The following CACNA2D1 variants were observed in gnomAD, a reference collection of about 807,000 sequenced individuals.
CACNA2D1 encodes calcium voltage-gated channel auxiliary subunit alpha2delta 1.
A neutral mutation model predicts 171.5 loss-of-function variants in CACNA2D1; 53 were observed. The observed-to-expected ratio is 0.31, with a 90% confidence interval of 0.25 to 0.39. The LOEUF is 0.39. Ranked by LOEUF, CACNA2D1 falls within the 10% of genes least tolerant of loss-of-function variation. The pLI, the probability that CACNA2D1 is intolerant of heterozygous loss-of-function variation, is 1.00. For missense variants in CACNA2D1, 903 were observed against 1,299.8 expected (o/e 0.69, Z 4.69); for synonymous variants, 442 against 443.1 (o/e 1.00, Z 0.03).
At chr7:82,158,917 G>C (rs913936083) in intron 4 of CACNA2D1, among the ~76,000 whole-genome samples, 2 of 151,824 alleles carry the variant, frequency 1.3e-5, no homozygotes, top group Admixed American at 1.3e-4. Context: ...TAAATTCTAT[G>C]TTGTATAATC....
chr7:82,145,378 T>C (rs1263124510), intron 4 of CACNA2D1, among the ~76,000 whole-genome samples: 1 of 144,922 alleles, frequency 6.9e-6, no homozygotes, highest in Non-Finnish European at 1.5e-5. Context: ...TTATATATTA[T>C]ATATTATATA....
chr7:82,120,049 G>A lies in CACNA2D1; in HGVS notation c.397-2876C>T, dbSNP rs1020956180. On this transcript the variant is annotated intron_variant, in intron 5 of 38. Transcript: ENST00000356860. ...AATTTAAAAATGAGCCTGGCATCGT[G>A]GTATGTTCCTATTATTTCCAGCTAT... Among the ~76,000 whole-genome samples the A allele has an allele frequency of 5.9e-5, 9 of 152,068 alleles. No homozygotes were observed. In the East Asian group the frequency reaches 1.7e-3, roughly 29 times the overall value.
At chr7:81,995,775 G>T (rs930658216) in intron 19 of CACNA2D1, among the ~76,000 whole-genome samples, 5 of 144,534 alleles carry the variant, frequency 3.5e-5, no homozygotes, top group African/African-American at 1.3e-4. Flanking sequence ...CTCCAGCCTG[G>T]GCGACAGAGC....
At chr7:81,973,928 T>G (rs1207534290) in intron 25 of CACNA2D1, among the ~76,000 whole-genome samples, 3 of 151,982 alleles carry the variant, frequency 2.0e-5, no homozygotes, top group African/African-American at 4.8e-5. Flanking sequence ...TTGATTTACC[T>G]CATAAATGAA....
chr7:82,326,981 T>C (rs1446534622), intron 3 of CACNA2D1, among the ~76,000 whole-genome samples: 1 of 152,246 alleles, frequency 6.6e-6, no homozygotes, highest in Non-Finnish European at 1.5e-5. Context: ...AGTTTTCTAC[T>C]CTTCGTATTG....
At chr7:82,343,987 GA>G (rs1274304058) in intron 2 of CACNA2D1, among the ~76,000 whole-genome samples, 1 of 152,132 alleles carries the variant, frequency 6.6e-6, no homozygotes, top group Non-Finnish European at 1.5e-5. Flanking sequence ...TACCAATGCT[GA>G]TACACAATTT....
At chr7:82,123,102 A>T (rs530819126) in intron 5 of CACNA2D1, among the ~76,000 whole-genome samples, 1 of 152,336 alleles carries the variant, frequency 6.6e-6, no homozygotes, top group Non-Finnish European at 1.5e-5. Flanking sequence ...GCATGTGCCC[A>T]AGTGTGTAAA....
intron 3 of CACNA2D1, among the ~76,000 whole-genome samples, chr7:82,310,755 G>A (rs982595748): frequency 2.6e-5 from 4 of 151,948 alleles, no homozygotes; most frequent in Admixed American, 6.6e-5. Context: ...AAACAGTAAA[G>A]GTTTTTGTTT....
chr7:81,951,098 AT>A (rs538976928), intron 38 of CACNA2D1, among the ~76,000 whole-genome samples: 1 of 152,056 alleles, frequency 6.6e-6, no homozygotes, highest in Admixed American at 6.6e-5. Flanking sequence ...CACATATAGG[AT>A]TTTGCTTTGC....
chr7:82,362,476 A>G (rs2129447355), intron 1 of CACNA2D1, among the ~76,000 whole-genome samples: 1 of 152,272 alleles, frequency 6.6e-6, no homozygotes, highest in South Asian at 2.1e-4. Flanking sequence ...CTCCTTTATC[A>G]CCATTCAGGA....
At chr7:82,349,909 A>G (rs1353015249) in intron 1 of CACNA2D1, among the ~76,000 whole-genome samples, 4 of 152,236 alleles carry the variant, frequency 2.6e-5, no homozygotes, top group Non-Finnish European at 4.4e-5. Flanking sequence ...GTCCAAGGAG[A>G]GTAAACAATT....
intron 1 of CACNA2D1, among the ~76,000 whole-genome samples, chr7:82,361,486 C>T (rs1000583900): frequency 7.9e-5 from 12 of 152,126 alleles, no homozygotes; most frequent in Non-Finnish European, 2.9e-5. Flanking sequence ...GTCATGTTTT[C>T]AACTATTTTT....
intron 3 of CACNA2D1, among the ~76,000 whole-genome samples, chr7:82,240,173 T>C (rs1374290084): frequency 6.6e-6 from 1 of 152,142 alleles, no homozygotes; most frequent in Non-Finnish European, 1.5e-5. Flanking sequence ...ACCCCATCCC[T>C]GGCACTCAGG....
At chr7:82,366,994 C>G (rs912964581) in intron 1 of CACNA2D1, among the ~76,000 whole-genome samples, 1 of 147,816 alleles carries the variant, frequency 6.8e-6, no homozygotes, top group Non-Finnish European at 1.5e-5. Context: ...GCAGCCTCGA[C>G]CTTCTGGGCT....
intron 5 of CACNA2D1, among the ~76,000 whole-genome samples, chr7:82,124,124 A>G (rs559937692): frequency 1.3e-5 from 2 of 152,316 alleles, no homozygotes; most frequent in South Asian, 4.1e-4. Context: ...AACATCAAAA[A>G]TTGAAATAAA....
intron 5 of CACNA2D1, among the ~76,000 whole-genome samples, chr7:82,120,751 T>C (rs1201845924): frequency 6.6e-6 from 1 of 151,896 alleles, no homozygotes; most frequent in African/African-American, 2.4e-5. Flanking sequence ...GGCACATGCC[T>C]GTAGTCCCAG....
intron 1 of CACNA2D1, among the ~76,000 whole-genome samples, chr7:82,393,023 CAGAG>C (rs1371646323): frequency 1.9e-5 from 2 of 105,406 alleles, no homozygotes; most frequent in African/African-American, 7.1e-5. Flanking sequence ...AATAAAGAGA[CAGAG>C]AGAGAGGAAG....
intron 3 of CACNA2D1, among the ~76,000 whole-genome samples, chr7:82,306,891 A>C (rs1213947703): frequency 6.7e-6 from 1 of 149,530 alleles, no homozygotes; most frequent in Non-Finnish European, 1.5e-5. Context: ...AAAAAAAAAA[A>C]AATAGCCTTA....
At chr7:82,037,015 TG>T (rs1489282551) in intron 11 of CACNA2D1, among the ~76,000 whole-genome samples, 1 of 152,190 alleles carries the variant, frequency 6.6e-6, no homozygotes, top group Non-Finnish European at 1.5e-5. Context: ...TGACCTCTAA[TG>T]CATACAAGTG....
Sources: allele counts gnomAD v4.1 joint callset (sites outside exome capture counted in the v4.1 genomes callset), GRCh38; gene constraint gnomAD v4.1.1; transcripts MANE v1.5; gene names NCBI Gene and HGNC (gene_info 2026-07-23, HGNC 2026-07-21).